LSAMP: variants seen among roughly 807,000 people sequenced by gnomAD.
LSAMP encodes limbic system associated membrane protein.
A neutral mutation model predicts 38.6 loss-of-function variants in LSAMP; 7 were observed. That is an observed-to-expected ratio of 0.18 (90% confidence interval 0.10 to 0.34). LSAMP has a LOEUF of 0.34. Among genes scored for constraint, LSAMP ranks in the 10% least tolerant of loss-of-function variants. LSAMP has a pLI of 1.00. For synonymous variants in LSAMP, 154 were observed against 166.8 expected (o/e 0.92, Z 0.59); for missense variants, 313 against 420.0 (o/e 0.75, Z 2.23).
chr3:116,115,935 A>AG (rs1256839392), intron 1 of LSAMP, among the ~76,000 whole-genome samples: 1 of 151,512 alleles, frequency 6.6e-6, no homozygotes, highest in African/African-American at 2.4e-5. Flanking sequence ...GGCGGCTTCC[A>AG]CCCCTTTCAA....
chr3:116,263,923 A>G (rs1224206072), intron 1 of LSAMP, among the ~76,000 whole-genome samples: 1 of 152,180 alleles, frequency 6.6e-6, no homozygotes, highest in Non-Finnish European at 1.5e-5. Flanking sequence ...AGAAAGGTAC[A>G]CTCGTAACTG....
chr3:116,356,510 C>T (rs532819878), intron 1 of LSAMP, among the ~76,000 whole-genome samples: 62 of 152,044 alleles, frequency 4.1e-4, no homozygotes, highest in Non-Finnish European at 6.5e-4. Flanking sequence ...ATGAATAAGA[C>T]CTAGTATTTG....
Position 116,158,897 on chromosome 3 carries a change from C to A in LSAMP, c.156-72341G>T, listed in dbSNP as rs139903167. Among the ~76,000 whole-genome samples the A allele has an allele frequency of 7.1e-3, 1,079 of 152,100 alleles. 9 individuals carry two copies. Among genetic ancestry groups the A allele is most frequent in the Non-Finnish European group, 0.012 (809 of 67,960 alleles). On this transcript the variant is annotated intron_variant, in intron 1 of 6. Transcript: ENST00000490035. Reference sequence around the variant, plus strand: ...AAGGAGCCCAAACAGCCAAGGCAATCATAAGCAAAAACGAAACAAAACAAA... The same window carrying A: ...AAGGAGCCCAAACAGCCAAGGCAATAATAAGCAAAAACGAAACAAAACAAA...
intron 1 of LSAMP, among the ~76,000 whole-genome samples, chr3:116,185,347 G>GAAAAA (rs1710589356): frequency 1.3e-5 from 2 of 151,930 alleles, no homozygotes; most frequent in South Asian, 4.1e-4. Flanking sequence ...TCTTAACCCT[G>GAAAAA]AATATTGATA....
At chr3:116,065,325 T>G (rs903146898) in intron 2 of LSAMP, among the ~76,000 whole-genome samples, 1 of 152,228 alleles carries the variant, frequency 6.6e-6, no homozygotes, top group Admixed American at 6.5e-5. Flanking sequence ...ATATTTATCA[T>G]TTCATCAGAC....
chr3:115,870,588 A>G (rs1055675778), intron 3 of LSAMP, among the ~76,000 whole-genome samples: 3 of 152,198 alleles, frequency 2.0e-5, no homozygotes, highest in Non-Finnish European at 4.4e-5. Context: ...GGCAAGCCCC[A>G]GGAATCTGCA....
intron 1 of LSAMP, among the ~76,000 whole-genome samples, chr3:116,129,625 C>T (rs1467146149): frequency 1.3e-5 from 2 of 152,350 alleles, no homozygotes; most frequent in Non-Finnish European, 2.9e-5. Context: ...ACCTTTTCCC[C>T]TATAATCCTG....
rs1029609706 is a variant in LSAMP, at chr3:116,049,398, T to G, written c.389-29758A>C. Among the ~76,000 whole-genome samples the G allele has an allele frequency of 2.0e-5, 3 of 152,310 alleles. No individual in the cohort carries two copies. The East Asian group carries it at 5.8e-4, about 29-fold the overall frequency. ...TTCCCAGTGACAATTAGTTGGGAAA[T>G]AAACTATTTGAAAAATTCCAGTAAT... On this transcript the variant is annotated intron_variant, in intron 2 of 6. Coordinates refer to ENST00000490035, the MANE Select transcript of LSAMP (RefSeq NM_002338.5).
intron 3 of LSAMP, among the ~76,000 whole-genome samples, chr3:115,942,115 C>A (rs1937942733): frequency 6.6e-6 from 1 of 151,802 alleles, no homozygotes; most frequent in Non-Finnish European, 1.5e-5. Context: ...AGTAATCTGG[C>A]TAGTTGGCTA....
chr3:116,282,466 T>G (rs2047139523), intron 1 of LSAMP, among the ~76,000 whole-genome samples: 1 of 152,216 alleles, frequency 6.6e-6, no homozygotes. Context: ...GTTCTTTTCT[T>G]TGAAGCATCT....
chr3:116,182,295 T>C (rs893209474), intron 1 of LSAMP, among the ~76,000 whole-genome samples: 9 of 151,736 alleles, frequency 5.9e-5, no homozygotes, highest in African/African-American at 1.9e-4. Flanking sequence ...TACAGTAAAA[T>C]AGATACCATA....
At chr3:116,422,192 T>C (rs1034120359) in intron 1 of LSAMP, among the ~76,000 whole-genome samples, 3 of 152,212 alleles carry the variant, frequency 2.0e-5, no homozygotes, top group African/African-American at 7.2e-5. Flanking sequence ...TACTTCGTAG[T>C]GTATGATTCT....
At chr3:116,109,333 AG>A (rs1379418831) in intron 1 of LSAMP, among the ~76,000 whole-genome samples, 2 of 151,990 alleles carry the variant, frequency 1.3e-5, no homozygotes, top group Non-Finnish European at 2.9e-5. Flanking sequence ...GCAGAGGCTG[AG>A]GAAGAATTGG....
chr3:116,258,558 AGAT>A (rs953681193), intron 1 of LSAMP, among the ~76,000 whole-genome samples: 38 of 152,262 alleles, frequency 2.5e-4, no homozygotes, highest in African/African-American at 7.9e-4. Context: ...TATTTTAAAA[AGAT>A]GATCCTTTAT....
At chr3:116,426,847 T>C (rs1040726674) in intron 1 of LSAMP, among the ~76,000 whole-genome samples, 1 of 151,816 alleles carries the variant, frequency 6.6e-6, no homozygotes, top group African/African-American at 2.4e-5. Flanking sequence ...CGAAGTAGAC[T>C]ATAGTATGGG....
chr3:116,267,904 A>G (rs1199934409), intron 1 of LSAMP, among the ~76,000 whole-genome samples: 1 of 152,094 alleles, frequency 6.6e-6, no homozygotes, highest in Non-Finnish European at 1.5e-5. Context: ...GTAAAAGTCA[A>G]TGGAGAGAGT....
chr3:116,336,567 T>C (rs1478262186), intron 1 of LSAMP, among the ~76,000 whole-genome samples: 1 of 151,894 alleles, frequency 6.6e-6, no homozygotes, highest in Non-Finnish European at 1.5e-5. Context: ...CTCACACCCA[T>C]TGTTGACAAA....
chr3:116,372,225 A>G (rs1361979770), intron 1 of LSAMP, among the ~76,000 whole-genome samples: 1 of 152,060 alleles, frequency 6.6e-6, no homozygotes, highest in African/African-American at 2.4e-5. Flanking sequence ...AGACATATAT[A>G]GGCCAATGGA....
rs893359458 is a variant in LSAMP, at chr3:116,246,630, G to A, written c.156-160074C>T. On this transcript the variant is annotated intron_variant, in intron 1 of 6. Transcript: ENST00000490035. ...TGCCATCCTTCCATTTTTCAGCACCGTGATAAACAACCCAACTGCACATCA... is the reference window on the plus strand; with the variant it reads ...TGCCATCCTTCCATTTTTCAGCACCATGATAAACAACCCAACTGCACATCA... Among the ~76,000 whole-genome samples the A allele has an allele frequency of 6.6e-5, 10 of 152,238 alleles. No homozygotes were observed. In the East Asian group the frequency reaches 1.9e-3, roughly 29 times the overall value.
Sources: allele counts gnomAD v4.1 joint callset (sites outside exome capture counted in the v4.1 genomes callset), GRCh38; gene constraint gnomAD v4.1.1; transcripts MANE v1.5; gene names NCBI Gene and HGNC (gene_info 2026-07-23, HGNC 2026-07-21).